The following FRMPD4 variants were observed in gnomAD, a reference collection of about 807,000 sequenced individuals.
FRMPD4 encodes FERM and PDZ domain containing 4.
A neutral mutation model predicts 94.1 loss-of-function variants in FRMPD4; 22 were observed. The ratio of observed to expected loss-of-function variants is 0.23; its 90% CI spans 0.17 to 0.33. The LOEUF (loss-of-function observed/expected upper bound fraction) is 0.33, where lower values mean the gene tolerates loss of function less well. FRMPD4 is among the 10% of genes least tolerant of loss of function. The pLI is 1.00. For missense variants in FRMPD4, 1,111 were observed against 1,339.9 expected (o/e 0.83, Z 2.67); for synonymous variants, 631 against 548.6 (o/e 1.15, Z -2.10).
chrX:11,988,083 A>G (rs1356846205), intron 3 of FRMPD4, among the ~76,000 whole-genome samples: 1 of 111,905 alleles, frequency 8.9e-6, no homozygotes, highest in Non-Finnish European at 1.9e-5. Context: ...ATAGAAAAAA[A>G]CAACCCTAAC....
intron 3 of FRMPD4, among the ~76,000 whole-genome samples, chrX:11,929,229 C>T (rs1365826432): frequency 2.7e-5 from 3 of 112,174 alleles, no homozygotes; most frequent in Admixed American, 9.4e-5. Context: ...TCTAACAATC[C>T]TGCACATGTA....
At chrX:11,906,544 A>C (rs1204979834) in intron 3 of FRMPD4, among the ~76,000 whole-genome samples, 1 of 111,376 alleles carries the variant, frequency 9.0e-6, no homozygotes, top group Non-Finnish European at 1.9e-5. Context: ...ATATTGTTTC[A>C]CTGCCATCTA....
intron 1 of FRMPD4, among the ~76,000 whole-genome samples, chrX:11,854,824 G>A (rs2053645094): frequency 8.9e-6 from 1 of 111,819 alleles, no homozygotes; most frequent in South Asian, 3.7e-4. Context: ...CAGGTGCATG[G>A]TGCAAGCTGT....
At chrX:12,043,820 TA>T (rs750366624) in intron 3 of FRMPD4, among the ~76,000 whole-genome samples, 9 of 111,852 alleles carry the variant, frequency 8.0e-5, no homozygotes, top group African/African-American at 2.9e-4. Context: ...TTAGCAAAAT[TA>T]TTTTTTTTTC....
chrX:12,494,932 G>A, intron 1 of FRMPD4: 1 of 322,266 alleles, frequency 3.1e-6, no homozygotes, highest in Non-Finnish European at 4.1e-6. Context: ...GCTGAGCTAA[G>A]CGTTTGAAAG....
intron 2 of FRMPD4, among the ~76,000 whole-genome samples, chrX:12,525,080 C>G (rs1000779917): frequency 9.0e-6 from 1 of 111,266 alleles, no homozygotes; most frequent in Non-Finnish European, 1.9e-5. Context: ...CACCCCTGCG[C>G]TACAGTCTGA....
intron 1 of FRMPD4, among the ~76,000 whole-genome samples, chrX:12,269,262 C>G (rs1225511655): frequency 9.0e-6 from 1 of 111,079 alleles, no homozygotes; most frequent in African/African-American, 3.3e-5. Context: ...AGGTGGAGCA[C>G]TGCACTAGAA....
chrX:12,701,806 T>TG, intron 9 of FRMPD4, 68 bp from the exon 10 acceptor site: 7 of 1,118,209 alleles, frequency 6.3e-6, no homozygotes, highest in Non-Finnish European at 8.6e-6. Context: ...GTATGTCACC[T>TG]GTTCTGTAAG....
chrX:12,075,711 G>C (rs779034368), intron 3 of FRMPD4, among the ~76,000 whole-genome samples: 15 of 111,832 alleles, frequency 1.3e-4, no homozygotes, highest in Non-Finnish European at 2.4e-4. Context: ...TCACTTTCCA[G>C]ACTTTATTTA....
intron 1 of FRMPD4, among the ~76,000 whole-genome samples, chrX:12,291,402 G>T (rs1218597342): frequency 9.0e-6 from 1 of 111,461 alleles, no homozygotes; most frequent in East Asian, 2.8e-4. Flanking sequence ...TCCCTTTAAG[G>T]CCTCATAGTA....
At chrX:11,996,678 G>A (rs1038140244) in intron 3 of FRMPD4, among the ~76,000 whole-genome samples, 2 of 111,906 alleles carry the variant, frequency 1.8e-5, no homozygotes, top group Non-Finnish European at 3.8e-5. Context: ...CACAGTGCCT[G>A]GCACATAGTA....
At chrX:12,414,146 A>T (rs1172157630) in intron 1 of FRMPD4, among the ~76,000 whole-genome samples, 2 of 112,622 alleles carry the variant, frequency 1.8e-5, no homozygotes, top group Non-Finnish European at 3.8e-5. Flanking sequence ...TGATCATTTA[A>T]TATGCATTGC....
chrX:12,534,372 C>T (rs1424682893), intron 2 of FRMPD4, among the ~76,000 whole-genome samples: 2 of 112,194 alleles, frequency 1.8e-5, no homozygotes, highest in East Asian at 5.6e-4. Context: ...GGATTGGAGC[C>T]CCCCCACAGA....
At chrX:12,048,303 T>C (rs1428679725) in intron 3 of FRMPD4, among the ~76,000 whole-genome samples, 1 of 112,647 alleles carries the variant, frequency 8.9e-6, no homozygotes, top group Non-Finnish European at 1.9e-5. Context: ...TTTGTCTTTT[T>C]TGAGAAGTGT....
chrX:12,109,178 G>A (rs1169646929), intron 3 of FRMPD4, among the ~76,000 whole-genome samples: 3 of 111,819 alleles, frequency 2.7e-5, no homozygotes, highest in Non-Finnish European at 5.6e-5. Flanking sequence ...TGGAAGTAAA[G>A]CACTCCTCAG....
intron 4 of FRMPD4, among the ~76,000 whole-genome samples, chrX:12,663,066 C>A (rs147788433): frequency 0.017 from 1,909 of 112,260 alleles, 45 homozygotes; most frequent in African/African-American, 0.058. Flanking sequence ...TTTGTCTTGT[C>A]AATCTGTTTA....
intron 1 of FRMPD4, among the ~76,000 whole-genome samples, chrX:12,447,830 TA>T (rs2057217414): frequency 8.9e-6 from 1 of 112,426 alleles, no homozygotes; most frequent in Admixed American, 9.4e-5. Context: ...ATCCCTCTGT[TA>T]AGGTCCCTTA....
At chrX:11,840,332 T>A (rs1043407283) in intron 1 of FRMPD4, among the ~76,000 whole-genome samples, 3 of 111,743 alleles carry the variant, frequency 2.7e-5, no homozygotes, top group African/African-American at 9.7e-5. Flanking sequence ...TATATAATAT[T>A]GTGGATGAAT....
At chrX:12,203,958 T>G (rs2056660243) in intron 1 of FRMPD4, among the ~76,000 whole-genome samples, 1 of 112,652 alleles carries the variant, frequency 8.9e-6, no homozygotes, top group Admixed American at 9.3e-5. Flanking sequence ...TATTTAGCCT[T>G]TTCTTTGTAT....
Sources: gnomAD v4.1 joint callset for allele counts (sites outside exome capture counted in the v4.1 genomes callset) on GRCh38, gnomAD v4.1.1 for gene constraint, MANE v1.5 for transcripts, NCBI Gene and HGNC (gene_info 2026-07-23, HGNC 2026-07-21) for gene names.